Variants in MAGI2 observed in about 807,000 individuals in gnomAD.
The protein encoded by MAGI2 is membrane associated guanylate kinase, WW and PDZ domain containing 2.
A neutral mutation model predicts 133.3 loss-of-function variants in MAGI2; 35 were observed. The ratio of observed to expected loss-of-function variants is 0.26; its 90% CI spans 0.20 to 0.35. The LOEUF is 0.35. Ranked by LOEUF, MAGI2 falls within the 10% of genes least tolerant of loss-of-function variation. The pLI is 1.00. For missense variants in MAGI2, 1,636 were observed against 1,863.4 expected, an observed-to-expected ratio of 0.88 and a Z score of 2.25; for synonymous variants, 729 against 710.6, an observed-to-expected ratio of 1.03 and a Z score of -0.41.
Position 78,833,121 on chromosome 7 carries a change from C to T in MAGI2, c.418+173969G>A, listed in dbSNP as rs376551990. ...TGTTTGTAACCAGCTTTTGCTACAA[C>T]TGTTACTGCTGATTAATATCTTACT... On this transcript the variant is annotated intron_variant, in intron 2 of 21. Coordinates refer to ENST00000354212, the MANE Select transcript of MAGI2 (RefSeq NM_012301.4). 2.6e-5 allele frequency among the ~76,000 whole-genome samples: 4 copies of T among 152,174 alleles called. No individual in the cohort carries two copies. In the East Asian group the frequency reaches 5.8e-4, roughly 22 times the overall value.
chr7:78,365,065 C>A (rs1291770255), intron 7 of MAGI2, among the ~76,000 whole-genome samples: 1 of 151,902 alleles, frequency 6.6e-6, no homozygotes, highest in Non-Finnish European at 1.5e-5. Flanking sequence ...CTGTGTGTTG[C>A]CTCTACTAAT....
intron 1 of MAGI2, among the ~76,000 whole-genome samples, chr7:79,169,934 G>A (rs1448771892): frequency 6.6e-6 from 1 of 151,274 alleles, no homozygotes; most frequent in Non-Finnish European, 1.5e-5. Flanking sequence ...CTCATCAATT[G>A]TCTCTACTCT....
chr7:78,654,715 A>G (rs1277516322), intron 2 of MAGI2, among the ~76,000 whole-genome samples: 1,437 of 16,648 alleles, frequency 0.086, 19 homozygotes, highest in African/African-American at 0.17. Flanking sequence ...ATATATATAT[A>G]TATATATATA....
intron 11 of MAGI2, among the ~76,000 whole-genome samples, chr7:78,197,135 G>A (rs1013271039): frequency 1.3e-5 from 2 of 152,254 alleles, no homozygotes; most frequent in Non-Finnish European, 2.9e-5. Flanking sequence ...TCATTTGATC[G>A]CAAAATTCAT....
At chr7:79,305,185 G>T (rs1161705379) in intron 1 of MAGI2, among the ~76,000 whole-genome samples, 2 of 152,156 alleles carry the variant, frequency 1.3e-5, no homozygotes, top group Non-Finnish European at 2.9e-5. Flanking sequence ...TGGGGGACTA[G>T]TGGCAGCCTA....
In MAGI2 at chr7:79,235,499, T is replaced by C. The variant is rs182074951; in HGVS notation, c.301+217521A>G. 1.2e-4 allele frequency among the ~76,000 whole-genome samples: 19 copies of C among 152,256 alleles called. No individual in the cohort carries two copies. In the East Asian group the frequency reaches 1.9e-3, roughly 16 times the overall value. On this transcript the variant is annotated intron_variant, in intron 1 of 21. Coordinates refer to ENST00000354212, the MANE Select transcript of MAGI2 (RefSeq NM_012301.4). ...AGGTGCGGGATATAATCTCGTGGTGTGCCGTTTTTTAAGCGGGTCTGAAAA... is the reference window on the plus strand; with the variant it reads ...AGGTGCGGGATATAATCTCGTGGTGCGCCGTTTTTTAAGCGGGTCTGAAAA...
chr7:78,759,967 T>C (rs1283862823), intron 2 of MAGI2, among the ~76,000 whole-genome samples: 1 of 152,046 alleles, frequency 6.6e-6, no homozygotes, highest in African/African-American at 2.4e-5. Context: ...ATACAAAAAT[T>C]AGCCGAGCGT....
In MAGI2 at chr7:78,889,582, T is replaced by C. The variant is rs564359786; in HGVS notation, c.418+117508A>G. ...CAGTGGGGACCAATATTTAACATTC[T>C]TAAAGAAAAGAATTTTCAACCCAGA... On this transcript the variant is annotated intron_variant, in intron 2 of 21. Transcript: ENST00000354212. Among the ~76,000 whole-genome samples the C allele has an allele frequency of 3.9e-5, 6 of 152,304 alleles. No homozygotes were observed. In the South Asian group the frequency reaches 1.2e-3, roughly 32 times the overall value.
chr7:79,156,230 A>G (rs1187669681), intron 1 of MAGI2, among the ~76,000 whole-genome samples: 1 of 152,170 alleles, frequency 6.6e-6, no homozygotes, highest in South Asian at 2.1e-4. Context: ...ACAAAGAAGA[A>G]AATCAAAATA....
intron 6 of MAGI2, among the ~76,000 whole-genome samples, chr7:78,481,719 T>G (rs201916395): frequency 2.7e-5 from 4 of 150,688 alleles, no homozygotes; most frequent in African/African-American, 4.9e-5. Flanking sequence ...GAAAAAAAAA[T>G]AGAGAACCTT....
At chr7:79,073,157 G>C (rs1815147375) in intron 1 of MAGI2, among the ~76,000 whole-genome samples, 1 of 152,116 alleles carries the variant, frequency 6.6e-6, no homozygotes, top group Non-Finnish European at 1.5e-5. Flanking sequence ...TTAAACCCTT[G>C]GGGCCAAGTC....
intron 1 of MAGI2, among the ~76,000 whole-genome samples, chr7:79,434,919 T>C (rs541939337): frequency 1.3e-5 from 2 of 152,346 alleles, no homozygotes; most frequent in African/African-American, 4.8e-5. Flanking sequence ...ATTAAAATGA[T>C]GACCTACTTC....
intron 10 of MAGI2, among the ~76,000 whole-genome samples, chr7:78,216,436 C>T (rs1788276417): frequency 6.6e-6 from 1 of 152,216 alleles, no homozygotes; most frequent in African/African-American, 2.4e-5. Flanking sequence ...TAATTGGCTT[C>T]CCCATGCTTG....
chr7:79,256,587 C>G (rs1833701017), intron 1 of MAGI2, among the ~76,000 whole-genome samples: 1 of 147,306 alleles, frequency 6.8e-6, no homozygotes, highest in African/African-American at 2.5e-5. Flanking sequence ...CCTCCCTGGG[C>G]TCAGGTGATC....
At chr7:79,389,791 C>A (rs1450449285) in intron 1 of MAGI2, among the ~76,000 whole-genome samples, 1 of 151,996 alleles carries the variant, frequency 6.6e-6, no homozygotes, top group Non-Finnish European at 1.5e-5. Context: ...TCCCCTTTTA[C>A]TCACTAGAAG....
At chr7:79,097,549 A>C (rs182424134) in intron 1 of MAGI2, among the ~76,000 whole-genome samples, 23 of 152,316 alleles carry the variant, frequency 1.5e-4, no homozygotes, top group Non-Finnish European at 3.4e-4. Context: ...CTCACCCACA[A>C]GGCAGAGATA....
chr7:78,860,275 G>T (rs543145206), intron 2 of MAGI2, among the ~76,000 whole-genome samples: 1 of 152,126 alleles, frequency 6.6e-6, no homozygotes, highest in Non-Finnish European at 1.5e-5. Flanking sequence ...ATCCAGATTT[G>T]TTCCATTGCT....
chr7:78,118,159 T>G (rs995170172), intron 20 of MAGI2, among the ~76,000 whole-genome samples: 3 of 152,100 alleles, frequency 2.0e-5, no homozygotes, highest in African/African-American at 7.2e-5. Flanking sequence ...GCAAAAAAAA[T>G]GAGTCGAGAC....
intron 21 of MAGI2, among the ~76,000 whole-genome samples, chr7:78,046,603 GT>G (rs1350954896): frequency 2.0e-5 from 3 of 152,228 alleles, no homozygotes; most frequent in Non-Finnish European, 4.4e-5. Context: ...CTCTGACAAG[GT>G]GAGATATGGC....
Sources: gnomAD v4.1 joint callset for allele counts (sites outside exome capture counted in the v4.1 genomes callset) on GRCh38, gnomAD v4.1.1 for gene constraint, MANE v1.5 for transcripts, NCBI Gene and HGNC (gene_info 2026-07-23, HGNC 2026-07-21) for gene names.